Variants in SLC9C2 observed in about 807,000 individuals in gnomAD.
SLC9C2 encodes the protein solute carrier family 9 member C2 (putative).
Under a neutral mutation model 140.2 loss-of-function variants are expected in SLC9C2, and 75 were observed. The observed-to-expected ratio is 0.53, with a 90% CI of 0.44 to 0.65. The LOEUF is 0.65. Ranked by LOEUF, SLC9C2 falls within the 30% of genes least tolerant of loss-of-function variation. The pLI, the probability that SLC9C2 is intolerant of heterozygous loss-of-function variation, is 0.00. For missense variants in SLC9C2, 1,074 were observed against 1,331.8 expected, an observed-to-expected ratio of 0.81 and a Z score of 3.01; for synonymous variants, 375 against 420.9, an observed-to-expected ratio of 0.89 and a Z score of 1.34.
chr1:173,535,884 T>C lies in SLC9C2; in HGVS notation c.1721A>G (p.Asn574Ser), dbSNP rs754587455. 6.6e-7 allele frequency: 1 copy of C among 1,514,714 alleles called. No individual in the cohort carries two copies. The highest frequency in any genetic ancestry group is 8.9e-7 in the Non-Finnish European group (1 of 1,126,748). The allele number at this position is 1,514,714 out of a possible 1,614,324, so 93.8% of individuals were successfully genotyped here. A position where few individuals can be genotyped will look rare whatever the true frequency, so the allele number is the denominator to read the frequency against. ...RTRSWLIKFKNVLTFLEYCIE... is the reference protein window; with the variant it reads ...RTRSWLIKFKSVLTFLEYCIE... Reference sequence around the variant, plus strand: ...ACAATATTCCAAGAAAGTTAAAACATTTTTAAACTTTATAAGCCAACTTCT... The same window carrying C: ...ACAATATTCCAAGAAAGTTAAAACACTTTTAAACTTTATAAGCCAACTTCT... Residue 574 changes from asparagine to serine, a missense_variant, in exon 15 of 28, where the codon AAT (asparagine) becomes AGT (serine). Asn to Ser is a conservative substitution (Grantham distance 46). Transcript: ENST00000367714.
intron 6 of SLC9C2, among the ~76,000 whole-genome samples, chr1:173,582,666 C>T (rs1192301093): frequency 6.6e-6 from 1 of 152,206 alleles, no homozygotes; most frequent in African/African-American, 2.4e-5. Context: ...CAGAAAAACA[C>T]ATTTTCTCCA....
At position 173,602,794 on chromosome 1, in the gene SLC9C2, G is replaced by A. The variant is rs1200562680; in HGVS notation, c.-123C>T. ...CAGGTCTACAGGTCACAATGATTCTGGTGTGAAGCAGAGGATGGGCCAGAA... is the reference window on the plus strand; with the variant it reads ...CAGGTCTACAGGTCACAATGATTCTAGTGTGAAGCAGAGGATGGGCCAGAA... On this transcript the variant is annotated 5_prime_UTR_variant, in exon 1 of 28. Transcript: ENST00000367714. The A allele has an allele frequency of 6.6e-6, 1 of 152,150 alleles. No individual in the cohort carries two copies. The highest frequency in any genetic ancestry group is 1.5e-5 in the Non-Finnish European group (1 of 68,040). 9.4% of individuals were successfully genotyped at this position (152,150 alleles called of 1,614,324 possible). A position where few individuals can be genotyped will look rare whatever the true frequency, so the allele number is the denominator to read the frequency against.
chr1:173,543,751 G>C (rs956831269), intron 13 of SLC9C2, among the ~76,000 whole-genome samples: 71 of 152,144 alleles, frequency 4.7e-4, no homozygotes, highest in African/African-American at 1.5e-3. Context: ...ACAAGCAATG[G>C]GGAAAGGATT....
chr1:173,544,552 T>G (rs1662694606), intron 13 of SLC9C2, among the ~76,000 whole-genome samples: 1 of 152,138 alleles, frequency 6.6e-6, no homozygotes, highest in African/African-American at 2.4e-5. Flanking sequence ...TAAAGATACA[T>G]GCAAACTCTG....
At chr1:173,554,079 CT>C (rs1310386760) in intron 11 of SLC9C2, among the ~76,000 whole-genome samples, 2 of 152,146 alleles carry the variant, frequency 1.3e-5, no homozygotes, top group East Asian at 3.8e-4. Flanking sequence ...CCTGAGATTC[CT>C]TTTAGAAATA....
At chr1:173,595,269 A>G (rs1476649843) in intron 4 of SLC9C2, among the ~76,000 whole-genome samples, 1 of 151,956 alleles carries the variant, frequency 6.6e-6, no homozygotes, top group African/African-American at 2.4e-5. Context: ...TTTATGTTCA[A>G]TCATATGTAG....
chr1:173,512,683 A>T (rs1660135335), intron 23 of SLC9C2, among the ~76,000 whole-genome samples: 1 of 152,196 alleles, frequency 6.6e-6, no homozygotes, highest in Non-Finnish European at 1.5e-5. Flanking sequence ...AACTTCTAAT[A>T]CTATGTTGAA....
At chr1:173,532,145 A>G (rs1026551078) in intron 17 of SLC9C2, among the ~76,000 whole-genome samples, 12 of 152,258 alleles carry the variant, frequency 7.9e-5, no homozygotes, top group African/African-American at 2.9e-4. Flanking sequence ...CACAAACTGG[A>G]TAGTCAAACA....
At chr1:173,543,939 G>A (rs1662637667) in intron 13 of SLC9C2, among the ~76,000 whole-genome samples, 1 of 152,170 alleles carries the variant, frequency 6.6e-6, no homozygotes, top group African/African-American at 2.4e-5. Context: ...TCAGTACATA[G>A]GCATGGGCAA....
chr1:173,539,506 C>T (rs1168293902), intron 13 of SLC9C2, among the ~76,000 whole-genome samples: 2 of 152,064 alleles, frequency 1.3e-5, no homozygotes, highest in Non-Finnish European at 2.9e-5. Context: ...GGGATGAGTT[C>T]AATATGGATT....
chr1:173,598,046 G>T lies in SLC9C2; in HGVS notation c.229-14C>A. On this transcript the variant is annotated splice_polypyrimidine_tract_variant and intron_variant, in intron 3 of 27. Transcript: ENST00000367714. ...AATTTGGTGCACCTAAAGTAACAAAGGCAAACAAGAAATTAGTTTGCTACC... is the reference window on the plus strand; with the variant it reads ...AATTTGGTGCACCTAAAGTAACAAATGCAAACAAGAAATTAGTTTGCTACC... 6.4e-7 allele frequency: 1 copy of T among 1,568,546 alleles called. No individual in the cohort carries two copies. The highest frequency in any genetic ancestry group is 1.2e-5 in the South Asian group (1 of 85,034).
In SLC9C2 at chr1:173,523,967, A is replaced by G; in HGVS notation, c.2640+2T>C. The G allele has an allele frequency of 6.2e-7, 1 of 1,606,168 alleles. No homozygotes were observed. Among genetic ancestry groups the G allele is most frequent in the South Asian group, 1.1e-5 (1 of 88,770 alleles). ...AGCCAGAATAGAAAACGGAATCTTTACCTTGAAGAAGTCAATGAGAACATC... is the reference window on the plus strand; with the variant it reads ...AGCCAGAATAGAAAACGGAATCTTTGCCTTGAAGAAGTCAATGAGAACATC... On this transcript the variant is annotated splice_donor_variant, in intron 21 of 27. Coordinates refer to ENST00000367714, the MANE Select transcript of SLC9C2 (RefSeq NM_178527.4). LOFTEE classifies it high-confidence loss of function.
At chr1:173,543,213 AACAG>A (rs1553252544) in intron 13 of SLC9C2, among the ~76,000 whole-genome samples, 3,302 of 123,554 alleles carry the variant, frequency 0.027, 124 homozygotes, top group African/African-American at 0.13. Context: ...ATACACTAAT[AACAG>A]ACAGAGAGCC....
intron 4 of SLC9C2, among the ~76,000 whole-genome samples, chr1:173,589,007 G>T (rs533218646): frequency 6.6e-6 from 1 of 152,306 alleles, no homozygotes; most frequent in East Asian, 1.9e-4. Flanking sequence ...AAGCACAGGA[G>T]TTTGAGGTTG....
intron 22 of SLC9C2, among the ~76,000 whole-genome samples, chr1:173,518,729 A>T (rs1333487482): frequency 6.6e-6 from 1 of 152,226 alleles, no homozygotes; most frequent in Non-Finnish European, 1.5e-5. Flanking sequence ...ATTCTCTCCC[A>T]GCAATTAGCA....
At chr1:173,580,063 T>C (rs992771208) in intron 7 of SLC9C2, among the ~76,000 whole-genome samples, 1 of 152,204 alleles carries the variant, frequency 6.6e-6, no homozygotes, top group African/African-American at 2.4e-5. Flanking sequence ...TTTTCTGCAA[T>C]TATACAGGCA....
intron 9 of SLC9C2, among the ~76,000 whole-genome samples, chr1:173,570,979 T>C (rs1027145479): frequency 5.9e-5 from 9 of 152,200 alleles, no homozygotes; most frequent in African/African-American, 2.2e-4. Flanking sequence ...CTTTCTGCAA[T>C]ATGAATTTTA....
chr1:173,557,464 T>C lies in SLC9C2; in HGVS notation c.1091A>G (p.Asn364Ser), dbSNP rs1663790552. The stretch of plus-strand genomic sequence containing the variant: ...TCCCCATCGCCAATTATATTCATAA[T>C]TTGAATGCATCAAAATAGGGCTCAC... ...LLVSPILMHSNYEYNWRWGVV... is the reference protein window; with the variant it reads ...LLVSPILMHSSYEYNWRWGVV... Residue 364 changes from asparagine (N) to serine (S), a missense_variant, in exon 10 of 28, where the codon AAT becomes AGT. By Grantham distance (46) the Asn-to-Ser change is conservative. Coordinates refer to ENST00000367714, the MANE Select transcript of SLC9C2 (RefSeq NM_178527.4). 1 of 1,613,984 alleles carries C rather than the reference T, an allele frequency of 6.2e-7. No individual in the cohort carries two copies. The highest frequency in any genetic ancestry group is 8.5e-7 in the Non-Finnish European group (1 of 1,179,930).
intron 13 of SLC9C2, among the ~76,000 whole-genome samples, chr1:173,544,006 G>A (rs1042356473): frequency 6.6e-6 from 1 of 152,160 alleles, no homozygotes; most frequent in African/African-American, 2.4e-5. Context: ...ATTGACAAAT[G>A]GGATCTAATT....
Sources: gnomAD v4.1 joint callset for allele counts (sites outside exome capture counted in the v4.1 genomes callset) on GRCh38, gnomAD v4.1.1 for gene constraint, MANE v1.5 for transcripts, NCBI Gene and HGNC (gene_info 2026-07-23, HGNC 2026-07-21) for gene names.